The following LRCH4 variants were observed in gnomAD, a reference collection of about 807,000 sequenced individuals.
The protein encoded by LRCH4 is leucine-rich repeat and calponin homology domain-containing protein 4.
Under a neutral mutation model 81.2 loss-of-function variants are expected in LRCH4, and 56 were observed. That is an observed-to-expected ratio of 0.69 (90% CI 0.56 to 0.86). LRCH4 has a LOEUF of 0.86. Ranked by LOEUF, LRCH4 falls within the 40% of genes least tolerant of loss-of-function variation. The pLI, the probability that LRCH4 is intolerant of heterozygous loss-of-function variation, is 0.00. For synonymous variants in LRCH4, 442 were observed against 409.7 expected (o/e 1.08, Z -0.95); for missense variants, 895 against 922.8 (o/e 0.97, Z 0.39).
rs973244126 is a variant in LRCH4 at position 100,582,641 on chromosome 7, C to A, written c.221-182G>T. Reference sequence around the variant, plus strand: ...CAACGGGAGCACATTCCAGGCGTGACCAGAATGGCACAGGGAAGGCAAAGG... The same window carrying A: ...CAACGGGAGCACATTCCAGGCGTGAACAGAATGGCACAGGGAAGGCAAAGG... On this transcript the variant is annotated intron_variant, in intron 1 of 17. Coordinates refer to ENST00000310300, the MANE Select transcript of LRCH4 (RefSeq NM_002319.5). The surrounding 1 kb of genome is among the most constrained non-coding windows in gnomAD (Gnocchi z 5.0). 6.6e-6 allele frequency among the ~76,000 whole-genome samples: 1 copy of A among 152,206 alleles called. No homozygotes were observed. The highest frequency in any genetic ancestry group is 6.5e-5 in the Admixed American group (1 of 15,278).
At chr7:100,581,068 G>A (rs981065229) in intron 4 of LRCH4, among the ~76,000 whole-genome samples, 107 of 152,360 alleles carry the variant, frequency 7.0e-4, no homozygotes, top group African/African-American at 2.5e-3. Context: ...GAGTGGCGGA[G>A]CATCCCGACT....
rs1801425904 is a variant in LRCH4, at chr7:100,577,964, C to G, written c.949-52G>C. ...GATGGCCTCTCTGTACATGGGGGCT[C>G]AGGACCTGGGGGGTCCTGTGTGGGA... On this transcript the variant is annotated intron_variant, in intron 7 of 17. Transcript: ENST00000310300. This position sits in a 1 kb window ranked among gnomAD's most constrained non-coding sequence, Gnocchi z 6.7. 6.6e-7 allele frequency: 1 copy of G among 1,513,146 alleles called. No individual in the cohort carries two copies. Among genetic ancestry groups the G allele is most frequent in the Non-Finnish European group, 9.1e-7 (1 of 1,093,102 alleles). 93.7% of individuals were successfully genotyped at this position (1,513,146 alleles called of 1,614,324 possible). A position where few individuals can be genotyped will look rare whatever the true frequency, so the allele number is the denominator to read the frequency against.
intron 4 of LRCH4, among the ~76,000 whole-genome samples, chr7:100,581,176 C>A (rs150699589): frequency 4.6e-5 from 7 of 152,338 alleles, no homozygotes; most frequent in African/African-American, 1.7e-4. Flanking sequence ...GATGCACCCA[C>A]CAGCTCCCCT....
chr7:100,581,781 G>A lies in LRCH4; in HGVS notation c.594C>T (p.Pro198=), dbSNP rs778910871. 49 of 1,613,874 alleles carry A rather than the reference G, an allele frequency of 3.0e-5. No homozygotes were observed. The South Asian group carries it at 3.7e-4, about 12-fold the overall frequency. ...NVRRNQLSTL[P]EELGDLPLVR... Reference sequence around the variant, plus strand: ...CCAGTTCTTCATTCTTCTCACCTTCGGGCAGCGTACTGAGCTGGTTCCTCC... The same window carrying A: ...CCAGTTCTTCATTCTTCTCACCTTCAGGCAGCGTACTGAGCTGGTTCCTCC... The change falls in exon 4 of 18, where the codon CCC becomes CCT. Residue 198 remains proline, a synonymous_variant. Coordinates refer to ENST00000310300, the MANE Select transcript of LRCH4 (RefSeq NM_002319.5).
chr7:100,580,838 C>T (rs1801529456), intron 4 of LRCH4: 1 of 151,834 alleles, frequency 6.6e-6, no homozygotes, highest in Admixed American at 6.6e-5. Context: ...GACACACAGA[C>T]ACATGCACAG....
chr7:100,584,845 G>C, intron 1 of LRCH4: 1 of 451,948 alleles, frequency 2.2e-6, no homozygotes, highest in South Asian at 1.6e-5. Flanking sequence ...GTCCCCCACC[G>C]TGCAGATGAG....
rs1801301186 is a variant in LRCH4, at chr7:100,575,079, AG to A, written c.*27del. 1 of 1,579,856 alleles carries A rather than the reference AG, an allele frequency of 6.3e-7. No individual in the cohort carries two copies. On this transcript the variant is annotated 3_prime_UTR_variant, in exon 18 of 18. Transcript: ENST00000310300. The surrounding 1 kb of genome is among the most constrained non-coding windows in gnomAD (Gnocchi z 5.3). ...ACCTTATAAATAGAGAGGAAGGGAAAGGGGTGAGGGAGGGCCGATTTTGGGG... is the reference window on the plus strand; with the variant it reads ...ACCTTATAAATAGAGAGGAAGGGAAAGGGTGAGGGAGGGCCGATTTTGGGG...
chr7:100,585,668 G>A (rs961697410), intron 1 of LRCH4, among the ~76,000 whole-genome samples: 4 of 152,192 alleles, frequency 2.6e-5, no homozygotes, highest in Non-Finnish European at 4.4e-5. Context: ...ACGCTCGGAG[G>A]CGCAGGGCGT....
chr7:100,585,978 G>A lies in LRCH4; in HGVS notation c.123C>T (p.Ala41=), dbSNP rs1310915116. Residue 41 remains alanine, a synonymous_variant, in exon 1 of 18, where the codon GCC becomes GCT. Transcript: ENST00000310300. ...RRSAERALEE[A]VATGTLNLSN... ...ACAGGTTCAGGGTCCCGGTGGCCACGGCCTCCTCTAGGGCCCGCTCTGCAC... is the reference window on the plus strand; with the variant it reads ...ACAGGTTCAGGGTCCCGGTGGCCACAGCCTCCTCTAGGGCCCGCTCTGCAC... 6 of 1,611,920 alleles carry A rather than the reference G, an allele frequency of 3.7e-6. No homozygotes were observed. In the African/African-American group the frequency reaches 4.0e-5, roughly 11 times the overall value.
In LRCH4 at chr7:100,575,213, G is replaced by A. The variant is rs763893611; in HGVS notation, c.1946C>T (p.Ala649Val). Residue 649 changes from alanine (A) to valine (V), a missense_variant, in exon 18 of 18, where the codon GCC becomes GTC. This residue lies in a region of LRCH4 where 529 missense variants were observed against 504.9 expected (regional missense o/e 1.05). Coordinates refer to ENST00000310300, the MANE Select transcript of LRCH4 (RefSeq NM_002319.5). This position sits in a 1 kb window ranked among gnomAD's most constrained non-coding sequence, Gnocchi z 5.3. ...AGAGGGGGGCCAGAGGGGCGGTAGGGCCTTGCCCCCCACCCGCTTCACGGC... is the reference window on the plus strand; with the variant it reads ...AGAGGGGGGCCAGAGGGGCGGTAGGACCTTGCCCCCCACCCGCTTCACGGC... ...LEAVKRVGGKALPPLWPPSGL... is the reference protein window; with the variant it reads ...LEAVKRVGGKVLPPLWPPSGL... 3.1e-6 allele frequency: 5 copies of A among 1,610,592 alleles called. No individual in the cohort carries two copies. The highest frequency in any genetic ancestry group is 3.4e-6 in the Non-Finnish European group (4 of 1,178,528).
In LRCH4 at chr7:100,574,181, C is replaced by T. The variant is rs1187126998; in HGVS notation, c.*926G>A. On this transcript the variant is annotated 3_prime_UTR_variant, in exon 18 of 18. Transcript: ENST00000310300. ...CCCTCACCACGTGCTTCTCTGAGAG[C>T]GCGGAGCCCAGGCGCGTCTTCTGCT... 6.8e-5 allele frequency: 11 copies of T among 162,462 alleles called. No homozygotes were observed. In the East Asian group the frequency reaches 1.5e-3, roughly 23 times the overall value. 10.1% of individuals were successfully genotyped at this position (162,462 alleles called of 1,614,324 possible).
chr7:100,577,837 T>G lies in LRCH4; in HGVS notation c.1024A>C (p.Lys342Gln). Reference protein sequence around the residue: ...AREPRGPRERKEDGSADGDPV... With the variant: ...AREPRGPRERQEDGSADGDPV... ...TGCTACTCACCTGAGCCATCCTCCTTGCGTTCTCTGGGTCCCCGGGGCTCC... is the reference window on the plus strand; with the variant it reads ...TGCTACTCACCTGAGCCATCCTCCTGGCGTTCTCTGGGTCCCCGGGGCTCC... The change falls in exon 8 of 18, where the codon AAG becomes CAG. Residue 342 changes from lysine to glutamine, a missense_variant. Coordinates refer to ENST00000310300, the MANE Select transcript of LRCH4 (RefSeq NM_002319.5). This position sits in a 1 kb window ranked among gnomAD's most constrained non-coding sequence, Gnocchi z 6.7. 6.2e-7 allele frequency: 1 copy of G among 1,613,032 alleles called. No individual in the cohort carries two copies. The highest frequency in any genetic ancestry group is 8.5e-7 in the Non-Finnish European group (1 of 1,179,148).
At position 100,577,451 on chromosome 7, in the gene LRCH4, G is replaced by T. The variant is rs1244271590; in HGVS notation, c.1178+46C>A. 1 of 1,602,770 alleles carries T rather than the reference G, an allele frequency of 6.2e-7. No homozygotes were observed. The highest frequency in any genetic ancestry group is 1.1e-5 in the South Asian group (1 of 91,074). ...GGGGTCAGGGAAGGAGGCGGTTGGG[G>T]GGTGGGAGGATCGGGCAGTGGCGTC... is the stretch of plus-strand genomic sequence containing the variant. On this transcript the variant is annotated intron_variant, in intron 10 of 17. Coordinates refer to ENST00000310300, the MANE Select transcript of LRCH4 (RefSeq NM_002319.5). This position sits in a 1 kb window ranked among gnomAD's most constrained non-coding sequence, Gnocchi z 6.7.
In LRCH4 at chr7:100,577,363, C is replaced by T. The variant is rs768851548; in HGVS notation, c.1205G>A (p.Arg402Gln). The change falls in exon 11 of 18, where the codon CGG (arginine) becomes CAG (glutamine). Residue 402 changes from arginine (R) to glutamine (Q), a missense_variant. Physicochemically the swap from Arg to Gln is conservative, Grantham distance 43. Transcript: ENST00000310300. This position sits in a 1 kb window ranked among gnomAD's most constrained non-coding sequence, Gnocchi z 6.7. ...CAGCTGCAAGGTGTCCGGGCGCCGCCGCTCCTCCCCTGCCGGCTCCTCCCG... is the reference window on the plus strand; with the variant it reads ...CAGCTGCAAGGTGTCCGGGCGCCGCTGCTCCTCCCCTGCCGGCTCCTCCCG... Reference protein sequence around the residue: ...SRREEPAGEERRRPDTLQLWQ... With the variant: ...SRREEPAGEEQRRPDTLQLWQ... The T allele has an allele frequency of 6.3e-6, 10 of 1,599,742 alleles. No homozygotes were observed. Among genetic ancestry groups the T allele is most frequent in the South Asian group, 4.4e-5 (4 of 91,020 alleles).
intron 1 of LRCH4, chr7:100,584,140 C>G (rs754595215): frequency 4.4e-6 from 2 of 455,644 alleles, no homozygotes; most frequent in Admixed American, 2.4e-5. Context: ...CAAGGCAGTC[C>G]GGGCAGCAAG....
chr7:100,582,533 C>A lies in LRCH4; in HGVS notation c.221-74G>T. 1 of 1,462,398 alleles carries A rather than the reference C, an allele frequency of 6.8e-7. No individual in the cohort carries two copies. Among genetic ancestry groups the A allele is most frequent in the Non-Finnish European group, 9.3e-7 (1 of 1,078,454 alleles). The allele number at this position is 1,462,398 out of a possible 1,614,324, so 90.6% of individuals were successfully genotyped here. On this transcript the variant is annotated intron_variant, in intron 1 of 17. Coordinates refer to ENST00000310300, the MANE Select transcript of LRCH4 (RefSeq NM_002319.5). The surrounding 1 kb of genome is among the most constrained non-coding windows in gnomAD (Gnocchi z 5.0). Reference sequence around the variant, plus strand: ...ACAGGACCTTCAGTCCCCCCAGAGCCGGCTGCCCACTCCCTCACCTCCACA... The same window carrying A: ...ACAGGACCTTCAGTCCCCCCAGAGCAGGCTGCCCACTCCCTCACCTCCACA...
At position 100,575,914 on chromosome 7, in the gene LRCH4, C is replaced by T. The variant is rs897151194; in HGVS notation, c.1733G>A (p.Arg578Gln). The change falls in exon 16 of 18, where the codon CGG (arginine) becomes CAG (glutamine). Residue 578 changes from arginine (R) to glutamine (Q), a missense_variant. By Grantham distance (43) the Arg-to-Gln change is conservative (BLOSUM62 1). Coordinates refer to ENST00000310300, the MANE Select transcript of LRCH4 (RefSeq NM_002319.5). The surrounding 1 kb of genome is among the most constrained non-coding windows in gnomAD (Gnocchi z 5.3). ...VILCQLANQLRPRSVPFIHVP... is the reference protein window; with the variant it reads ...VILCQLANQLQPRSVPFIHVP... ...ATGGATGAAGGGCACGGAGCGCGGC[C>T]GTAGCTGGTTGGCCAGCTGGCACAG... 20 of 1,612,654 alleles carry T rather than the reference C, an allele frequency of 1.2e-5. No homozygotes were observed. Among genetic ancestry groups the T allele is most frequent in the African/African-American group, 2.7e-5 (2 of 75,032 alleles).
chr7:100,576,047 G>T, intron 15 of LRCH4, 39 bp from the exon 16 acceptor site: 1 of 1,577,830 alleles, frequency 6.3e-7, no homozygotes, highest in Non-Finnish European at 8.6e-7. Context: ...GTCAGGGAAG[G>T]AGAGGCGTCT....
At position 100,575,314 on chromosome 7, in the gene LRCH4, A is replaced by G. The variant is rs1335781136; in HGVS notation, c.1855-10T>C. The stretch of plus-strand genomic sequence containing the variant: ...GCGAGCACAGGTCAGCCTGGGGGAG[A>G]GGAGAGCAGGTGGACAAGGACAAGG... On this transcript the variant is annotated splice_polypyrimidine_tract_variant and intron_variant, in intron 17 of 17. Coordinates refer to ENST00000310300, the MANE Select transcript of LRCH4 (RefSeq NM_002319.5). This position sits in a 1 kb window ranked among gnomAD's most constrained non-coding sequence, Gnocchi z 5.3. 1.3e-6 allele frequency: 2 copies of G among 1,532,066 alleles called. No individual in the cohort carries two copies. Among genetic ancestry groups the G allele is most frequent in the African/African-American group, 1.4e-5 (1 of 72,882 alleles). The allele number at this position is 1,532,066 out of a possible 1,614,324, so 94.9% of individuals were successfully genotyped here. A position where few individuals can be genotyped will look rare whatever the true frequency, so the allele number is the denominator to read the frequency against.
Sources: gnomAD v4.1 joint callset for allele counts (sites outside exome capture counted in the v4.1 genomes callset) on GRCh38, gnomAD v4.1.1 for gene constraint, gnomAD v4.1.1 regional missense constraint, Gnocchi (gnomAD v3.1) non-coding constraint, MANE v1.5 for transcripts, NCBI Gene and HGNC (gene_info 2026-07-23, HGNC 2026-07-21) for gene names.